Variants in COL12A1 observed in about 807,000 individuals in gnomAD.
COL12A1 encodes collagen alpha-1(XII) chain.
In COL12A1, 114 loss-of-function variants were observed where a neutral mutation model predicts 349.7. The observed-to-expected ratio is 0.33, with a 90% confidence interval of 0.28 to 0.38. The LOEUF is 0.38. Among genes scored for constraint, COL12A1 ranks in the 10% least tolerant of loss-of-function variants. COL12A1 has a pLI of 1.00. For missense variants in COL12A1, 3,284 were observed against 3,756.9 expected (o/e 0.87, Z 3.29); for synonymous variants, 1,369 against 1,329.0 (o/e 1.03, Z -0.66).
At position 75,164,554 on chromosome 6, in the gene COL12A1, A is replaced by C. The variant is rs563712251; in HGVS notation, c.2983+953T>G. ...ATGACATTTGCTTTGGTTTGGTTTC[A>C]ATTGTTTGTTTTTAATAGATTTTGT... On this transcript the variant is annotated intron_variant, in intron 14 of 65. Coordinates refer to ENST00000322507, the MANE Select transcript of COL12A1 (RefSeq NM_004370.6). 2.6e-5 allele frequency among the ~76,000 whole-genome samples: 4 copies of C among 152,296 alleles called. No individual in the cohort carries two copies. The East Asian group carries it at 7.7e-4, about 29-fold the overall frequency.
intron 13 of COL12A1, among the ~76,000 whole-genome samples, chr6:75,172,788 C>A (rs1486217004): frequency 6.6e-6 from 1 of 152,156 alleles, no homozygotes; most frequent in African/African-American, 2.4e-5. Flanking sequence ...CAGTTGACAG[C>A]ATGGGTTTGC....
At chr6:75,118,129 A>T (rs1428130257) in intron 46 of COL12A1, among the ~76,000 whole-genome samples, 2 of 152,226 alleles carry the variant, frequency 1.3e-5, no homozygotes, top group Non-Finnish European at 2.9e-5. Flanking sequence ...ATAAGGAATT[A>T]GAAATATATT....
chr6:75,146,172 A>C lies in COL12A1; in HGVS notation c.4490T>G (p.Val1497Gly). The C allele has an allele frequency of 6.2e-7, 1 of 1,613,704 alleles. No homozygotes were observed. The highest frequency in any genetic ancestry group is 8.5e-7 in the Non-Finnish European group (1 of 1,179,786). ...CAAGATGTAGCCAGTAGCTCCTCCCACAGGCTGCCACTGCACATGCATGGT... is the reference window on the plus strand; with the variant it reads ...CAAGATGTAGCCAGTAGCTCCTCCCCCAGGCTGCCACTGCACATGCATGGT... ...PTTMHVQWQP[V>G]GGATGYILSY... Residue 1497 changes from valine (V) to glycine (G), a missense_variant, in exon 24 of 66, where the codon GTG (valine) becomes GGG (glycine). Physicochemically the swap from Val to Gly is moderately radical, Grantham distance 109. Around this residue, in one of 2 missense-constraint regions of COL12A1, gnomAD observed 2,601 missense variants for 2,824.8 expected, o/e 0.92. Coordinates refer to ENST00000322507, the MANE Select transcript of COL12A1 (RefSeq NM_004370.6).
chr6:75,111,816 T>TC (rs1006108597), intron 51 of COL12A1, among the ~76,000 whole-genome samples: 5 of 151,298 alleles, frequency 3.3e-5, no homozygotes, highest in Non-Finnish European at 7.4e-5. Context: ...TTTTTGTTTT[T>TC]CCTTTTTTTT....
intron 43 of COL12A1, 95 bp downstream of exon 43, chr6:75,123,235 G>C: frequency 1.9e-6 from 2 of 1,065,110 alleles, no homozygotes; most frequent in Non-Finnish European, 2.8e-6. Flanking sequence ...GATCAGAAAT[G>C]TTCTATATTA....
chr6:75,144,365 T>C (rs1437254567), intron 25 of COL12A1, among the ~76,000 whole-genome samples: 1 of 152,178 alleles, frequency 6.6e-6, no homozygotes, highest in African/African-American at 2.4e-5. Context: ...TAAATATTTG[T>C]TTGTTGTCAA....
At chr6:75,195,538 G>A (rs1414216983) in intron 2 of COL12A1, among the ~76,000 whole-genome samples, 1 of 151,978 alleles carries the variant, frequency 6.6e-6, no homozygotes, top group Non-Finnish European at 1.5e-5. Context: ...ATGAAAATAA[G>A]GAATCATGGG....
chr6:75,162,052 A>G (rs1303458500), intron 14 of COL12A1, among the ~76,000 whole-genome samples: 1 of 152,242 alleles, frequency 6.6e-6, no homozygotes, highest in East Asian at 1.9e-4. Context: ...TGAAGAATCA[A>G]TACTGTCAAA....
intron 47 of COL12A1, 52 bp from the exon 48 acceptor site, chr6:75,116,109 T>C (rs761989760): frequency 6.5e-7 from 1 of 1,542,628 alleles, no homozygotes; most frequent in Admixed American, 1.7e-5. Flanking sequence ...ATGTACAAAT[T>C]ATATATGCAC....
chr6:75,129,433 A>C (rs1489531373), intron 37 of COL12A1, among the ~76,000 whole-genome samples: 1 of 152,204 alleles, frequency 6.6e-6, no homozygotes, highest in East Asian at 1.9e-4. Flanking sequence ...CAAATGTATC[A>C]CAGCAATTAA....
intron 3 of COL12A1, among the ~76,000 whole-genome samples, chr6:75,193,139 T>C (rs1177543905): frequency 2.6e-5 from 4 of 152,056 alleles, no homozygotes; most frequent in African/African-American, 7.2e-5. Flanking sequence ...AGGTAGAACA[T>C]GCAAAACCAA....
intron 12 of COL12A1, 147 bp downstream of exon 12, chr6:75,177,516 A>G: frequency 1.2e-6 from 1 of 868,572 alleles, no homozygotes; most frequent in South Asian, 2.1e-5. Context: ...AAAAAATTTT[A>G]ACTTAAATCT....
At chr6:75,136,033 G>C (rs1766589334) in intron 31 of COL12A1, among the ~76,000 whole-genome samples, 1 of 152,034 alleles carries the variant, frequency 6.6e-6, no homozygotes, top group Non-Finnish European at 1.5e-5. Context: ...AAAGCTTAAG[G>C]GCTTCATACT....
rs79296244 is a variant in COL12A1 at position 75,158,679 on chromosome 6, A to T, written c.2984-2156T>A. 6.5e-3 allele frequency among the ~76,000 whole-genome samples: 987 copies of T among 152,242 alleles called. 38 individuals carry two copies. The East Asian group carries it at 0.11, about 17-fold the overall frequency. On this transcript the variant is annotated intron_variant, in intron 14 of 65. Transcript: ENST00000322507. ...GAAAGATTAAGCATTTTAACTAGAG[A>T]TATAGAACATATAAAAAGACTCAAA...
intron 13 of COL12A1, among the ~76,000 whole-genome samples, chr6:75,167,296 T>C (rs1768359279): frequency 6.6e-6 from 1 of 152,154 alleles, no homozygotes; most frequent in Non-Finnish European, 1.5e-5. Context: ...GTTTTAAATG[T>C]ACAGCACGTT....
intron 52 of COL12A1, 54 bp from the exon 53 acceptor site, chr6:75,106,550 T>C (rs895926442): frequency 6.6e-7 from 1 of 1,508,924 alleles, no homozygotes; most frequent in Admixed American, 1.7e-5. Flanking sequence ...ACATTTTATA[T>C]TGGCACTTCC....
intron 52 of COL12A1, 115 bp from the exon 53 acceptor site, chr6:75,106,611 C>T (rs2149349480): frequency 2.4e-6 from 2 of 824,612 alleles, no homozygotes; most frequent in East Asian, 5.3e-5. Context: ...GGGTGTGAGC[C>T]ATTGAGAGCA....
chr6:75,116,124 A>C, intron 47 of COL12A1, 67 bp from the exon 48 acceptor site: 1 of 1,439,028 alleles, frequency 6.9e-7, no homozygotes, highest in Non-Finnish European at 9.7e-7. Context: ...ATGCACAGAA[A>C]GTAGCAATGA....
chr6:75,110,287 C>A (rs193267674), intron 51 of COL12A1, among the ~76,000 whole-genome samples: 1 of 152,032 alleles, frequency 6.6e-6, no homozygotes, highest in Non-Finnish European at 1.5e-5. Context: ...TGAAAAACCA[C>A]AGTATCCAGA....
Sources: gnomAD v4.1 joint callset for allele counts (sites outside exome capture counted in the v4.1 genomes callset) on GRCh38, gnomAD v4.1.1 for gene constraint, gnomAD v4.1.1 regional missense constraint, MANE v1.5 for transcripts, NCBI Gene and HGNC (gene_info 2026-07-23, HGNC 2026-07-21) for gene names.